The following DPYD variants were observed in gnomAD, a reference collection of about 807,000 sequenced individuals.
The protein encoded by DPYD is dihydropyrimidine dehydrogenase, also known as dihydropyrimidine dehydrogenase [NADP(+)].
A neutral mutation model predicts 116.2 loss-of-function variants in DPYD; 109 were observed. The ratio of observed to expected loss-of-function variants is 0.94; its 90% CI spans 0.80 to 1.10. The LOEUF is 1.10. Among genes scored for constraint, DPYD ranks in the 50% least tolerant of loss-of-function variants. DPYD has a pLI of 0.00. For synonymous variants in DPYD, 440 were observed against 432.0 expected (o/e 1.02, Z -0.23); for missense variants, 1,302 against 1,254.5 (o/e 1.04, Z -0.57).
intron 11 of DPYD, among the ~76,000 whole-genome samples, chr1:97,562,650 T>C (rs1346030383): frequency 6.6e-6 from 1 of 152,138 alleles, no homozygotes; most frequent in Non-Finnish European, 1.5e-5. Context: ...GTAGCTTCCA[T>C]ATTTTGGGAG....
chr1:97,095,033 ATTTTG>A (rs1432186855), intron 21 of DPYD, among the ~76,000 whole-genome samples: 3 of 152,158 alleles, frequency 2.0e-5, no homozygotes, highest in Non-Finnish European at 4.4e-5. Context: ...ACAAGAAATA[ATTTTG>A]TTTTGTAGAA....
chr1:97,657,745 A>C (rs1306864418), intron 8 of DPYD, among the ~76,000 whole-genome samples: 1 of 152,194 alleles, frequency 6.6e-6, no homozygotes, highest in African/African-American at 2.4e-5. Flanking sequence ...GGTATCAGAA[A>C]ACTGATAATT....
intron 8 of DPYD, among the ~76,000 whole-genome samples, chr1:97,596,638 T>G (rs906910076): frequency 6.6e-6 from 1 of 152,172 alleles, no homozygotes; most frequent in Non-Finnish European, 1.5e-5. Context: ...CAATGGACAT[T>G]TGCTGGTAGA....
At chr1:97,838,616 C>A (rs1669888440) in intron 2 of DPYD, among the ~76,000 whole-genome samples, 1 of 151,386 alleles carries the variant, frequency 6.6e-6, no homozygotes, top group Admixed American at 6.6e-5. Context: ...GAGGCCGAGG[C>A]GGGTGGATCA....
At chr1:97,562,477 C>G (rs557177227) in intron 11 of DPYD, among the ~76,000 whole-genome samples, 62 of 152,122 alleles carry the variant, frequency 4.1e-4, no homozygotes, top group African/African-American at 1.5e-3. Flanking sequence ...CTTTAAAGAG[C>G]TTTAGAATTA....
chr1:97,497,289 CT>C (rs1341163219), intron 13 of DPYD, among the ~76,000 whole-genome samples: 2 of 151,802 alleles, frequency 1.3e-5, no homozygotes, highest in African/African-American at 2.4e-5. Context: ...CAGTAAGAGA[CT>C]ACTCATTGAA....
chr1:97,453,122 G>A (rs1352033318), intron 13 of DPYD, among the ~76,000 whole-genome samples: 1 of 152,016 alleles, frequency 6.6e-6, no homozygotes, highest in Non-Finnish European at 1.5e-5. Flanking sequence ...ACTGCTATAG[G>A]CCTTCTCACG....
intron 8 of DPYD, among the ~76,000 whole-genome samples, chr1:97,647,298 T>C (rs920490396): frequency 1.3e-5 from 2 of 152,220 alleles, no homozygotes; most frequent in Middle Eastern, 3.4e-3. Flanking sequence ...ATACATTTTC[T>C]TATAAGTAAT....
chr1:97,554,649 A>C (rs1007806724), intron 11 of DPYD, among the ~76,000 whole-genome samples: 2 of 152,154 alleles, frequency 1.3e-5, no homozygotes, highest in Non-Finnish European at 2.9e-5. Flanking sequence ...AGGATATCAG[A>C]GTTCTGTTTA....
chr1:97,595,320 T>C (rs1571026346), intron 8 of DPYD, among the ~76,000 whole-genome samples, 154 bp from the exon 9 acceptor site: 2 of 152,094 alleles, frequency 1.3e-5, no homozygotes, highest in African/African-American at 4.8e-5. Flanking sequence ...CATAATACAG[T>C]CTAACGGATC....
intron 18 of DPYD, 69 bp downstream of exon 18, chr1:97,305,190 T>C: frequency 1.6e-5 from 26 of 1,608,932 alleles, no homozygotes; most frequent in Non-Finnish European, 2.2e-5. Flanking sequence ...ACAAAACTCT[T>C]GCAACATGAC....
intron 18 of DPYD, among the ~76,000 whole-genome samples, chr1:97,282,452 A>G (rs908609833): frequency 2.0e-5 from 3 of 151,984 alleles, no homozygotes; most frequent in Non-Finnish European, 4.4e-5. Flanking sequence ...AAATACATTA[A>G]TATTATTTTA....
At chr1:97,859,816 A>G (rs898379525) in intron 2 of DPYD, among the ~76,000 whole-genome samples, 2 of 152,168 alleles carry the variant, frequency 1.3e-5, no homozygotes, top group Non-Finnish European at 2.9e-5. Flanking sequence ...ATAAATGTAA[A>G]CAAAGATATA....
chr1:97,822,320 C>A (rs1009163627), intron 3 of DPYD, among the ~76,000 whole-genome samples: 2 of 146,368 alleles, frequency 1.4e-5, no homozygotes, highest in African/African-American at 5.0e-5. Flanking sequence ...TATTATATAT[C>A]TGTATATATA....
intron 14 of DPYD, among the ~76,000 whole-genome samples, chr1:97,419,495 A>G (rs373241657): frequency 1.2e-4 from 18 of 152,188 alleles, no homozygotes; most frequent in African/African-American, 4.1e-4. Context: ...CGATATTCCA[A>G]TTTTAATGAC....
chr1:97,732,473 CAA>C (rs751262032), intron 4 of DPYD, among the ~76,000 whole-genome samples: 13 of 55,154 alleles, frequency 2.4e-4, no homozygotes, highest in Non-Finnish European at 3.4e-4. Flanking sequence ...GACTCCATCT[CAA>C]AAAAAAAAAA....
At chr1:97,727,633 G>A (rs892781660) in intron 4 of DPYD, among the ~76,000 whole-genome samples, 1 of 151,660 alleles carries the variant, frequency 6.6e-6, no homozygotes, top group Non-Finnish European at 1.5e-5. Flanking sequence ...AAAATGGGTT[G>A]AACCAATATT....
At chr1:97,539,670 C>A (rs1650282958) in intron 12 of DPYD, among the ~76,000 whole-genome samples, 1 of 152,078 alleles carries the variant, frequency 6.6e-6, no homozygotes, top group African/African-American at 2.4e-5. Context: ...AATGATGTAA[C>A]AAACCAGTTA....
chr1:97,850,800 T>C (rs1241418823), intron 2 of DPYD, among the ~76,000 whole-genome samples: 1 of 152,114 alleles, frequency 6.6e-6, no homozygotes, highest in East Asian at 1.9e-4. Flanking sequence ...ATTTTTGTAC[T>C]TCATTGCTTA....
Sources: gnomAD v4.1 joint callset for allele counts (sites outside exome capture counted in the v4.1 genomes callset) on GRCh38, gnomAD v4.1.1 for gene constraint, MANE v1.5 for transcripts, NCBI Gene and HGNC (gene_info 2026-07-23, HGNC 2026-07-21) for gene names.